The following MYO5C variants were observed in gnomAD, a reference collection of about 807,000 sequenced individuals.
MYO5C encodes the protein myosin VC.
A neutral mutation model predicts 235.7 loss-of-function variants in MYO5C; 194 were observed. That is an observed-to-expected ratio of 0.82 (90% CI 0.73 to 0.93). The LOEUF is 0.93. Ranked by LOEUF, MYO5C falls within the 40% of genes least tolerant of loss-of-function variation. The pLI is 0.00. For missense variants in MYO5C, 2,038 were observed against 2,127.2 expected (o/e 0.96, Z 0.82); for synonymous variants, 707 against 754.8 (o/e 0.94, Z 1.04).
intron 24 of MYO5C, among the ~76,000 whole-genome samples, chr15:52,230,502 G>C (rs1226598426): frequency 6.6e-6 from 1 of 151,550 alleles, no homozygotes; most frequent in Non-Finnish European, 1.5e-5. Context: ...TCCGCCCCCC[G>C]GGTTCAAGTG....
chr15:52,239,970 G>GT, intron 20 of MYO5C, 91 bp from the exon 21 acceptor site: 1 of 1,355,802 alleles, frequency 7.4e-7, no homozygotes, highest in East Asian at 2.4e-5. Flanking sequence ...CTACCACGGT[G>GT]TAGAAAATGA....
chr15:52,205,637 A>T (rs749404189), intron 37 of MYO5C, 179 bp downstream of exon 37: 20 of 431,912 alleles, frequency 4.6e-5, no homozygotes, highest in Non-Finnish European at 8.1e-5. Flanking sequence ...ACAGCGTACT[A>T]TTATTTATGG....
intron 12 of MYO5C, 61 bp downstream of exon 12, chr15:52,253,256 T>G (rs966268973): frequency 6.6e-6 from 10 of 1,525,918 alleles, no homozygotes; most frequent in African/African-American, 1.4e-5. Context: ...AAAACTGCTT[T>G]GCAAAATGCT....
intron 32 of MYO5C, among the ~76,000 whole-genome samples, chr15:52,217,798 G>A (rs1162666148): frequency 6.6e-6 from 1 of 152,134 alleles, no homozygotes; most frequent in Non-Finnish European, 1.5e-5. Flanking sequence ...AGGGTACGTG[G>A]GCATGTCCAC....
chr15:52,252,723 C>T (rs2036499007), intron 12 of MYO5C, among the ~76,000 whole-genome samples: 1 of 151,128 alleles, frequency 6.6e-6, no homozygotes, highest in South Asian at 2.1e-4. Flanking sequence ...TGCAGTGAGC[C>T]GAGATGGCAC....
chr15:52,264,721 C>T (rs1789729984), intron 8 of MYO5C, among the ~76,000 whole-genome samples: 1 of 152,222 alleles, frequency 6.6e-6, no homozygotes, highest in Admixed American at 6.5e-5. Flanking sequence ...TCTCTGCTCT[C>T]TGCCCCAGGG....
Position 52,229,322 on chromosome 15 carries a change from C to G in MYO5C, c.3027-9G>C. 2 of 1,608,192 alleles carry G rather than the reference C, an allele frequency of 1.2e-6. No individual in the cohort carries two copies. The highest frequency in any genetic ancestry group is 1.7e-6 in the Non-Finnish European group (2 of 1,179,218). On this transcript the variant is annotated splice_polypyrimidine_tract_variant and intron_variant, in intron 24 of 40. Transcript: ENST00000261839. ...AACTTTTTTCAAGAAGCCTACGCAG[C>G]AAAAGAAGAAAATAATTTAGAGCTG...
rs201181429 is a variant in MYO5C, at chr15:52,237,583, C to G, written c.2767G>C (p.Val923Leu). 3 of 1,614,208 alleles carry G rather than the reference C, an allele frequency of 1.9e-6. No individual in the cohort carries two copies. In the Admixed American group the frequency reaches 5.0e-5, roughly 27 times the overall value. The change falls in exon 22 of 41, where the codon GTG (valine) becomes CTG (leucine). Residue 923 changes from valine to leucine, a missense_variant. Transcript: ENST00000261839. Reference protein sequence around the residue: ...TSLAALRAGDVEKIQKLEAEL... With the variant: ...TSLAALRAGDLEKIQKLEAEL... The stretch of plus-strand genomic sequence containing the variant: ...GCTTCCAGCTTCTGAATCTTTTCCA[C>G]ATCCCCAGCTCGAAGAGCAGCCAGG...
Position 52,239,911 on chromosome 15 carries a change from G to C in MYO5C, c.2557-32C>G, listed in dbSNP as rs746776522. The C allele has an allele frequency of 9.5e-6, 15 of 1,584,564 alleles. No individual in the cohort carries two copies. In the East Asian group the frequency reaches 3.4e-4, roughly 36 times the overall value. On this transcript the variant is annotated intron_variant, in intron 20 of 40. Coordinates refer to ENST00000261839, the MANE Select transcript of MYO5C (RefSeq NM_018728.4). ...AACAAGATTTTGTGAAACATAAACT[G>C]GATCCCAAGTGCTTCTCTAACCAAC... is the stretch of plus-strand genomic sequence containing the variant.
At chr15:52,268,141 C>T (rs751594480) in intron 8 of MYO5C, among the ~76,000 whole-genome samples, 4 of 152,180 alleles carry the variant, frequency 2.6e-5, no homozygotes, top group Non-Finnish European at 5.9e-5. Flanking sequence ...ATCGTCTTGC[C>T]TATTCCTTGG....
intron 32 of MYO5C, among the ~76,000 whole-genome samples, chr15:52,215,504 C>T (rs994713156): frequency 7.2e-5 from 11 of 152,156 alleles, no homozygotes; most frequent in Non-Finnish European, 1.2e-4. Context: ...CTCTTGGGGC[C>T]GAGGGACATT....
At chr15:52,274,677 C>CG (rs1555420144) in intron 5 of MYO5C, among the ~76,000 whole-genome samples, 2 of 148,854 alleles carry the variant, frequency 1.3e-5, no homozygotes, top group Non-Finnish European at 3.0e-5. Context: ...AGTACCCCCC[C>CG]CCCGACATAT....
Position 52,204,940 on chromosome 15 carries a change from A to C in MYO5C, c.4745T>G (p.Leu1582Trp). The change falls in exon 38 of 41, where the codon TTG (leucine) becomes TGG (tryptophan). Residue 1582 changes from leucine to tryptophan, a missense_variant. By Grantham distance (61) the Leu-to-Trp change is moderately conservative (BLOSUM62 -2). Coordinates refer to ENST00000261839, the MANE Select transcript of MYO5C (RefSeq NM_018728.4). ...GCTGTTCAGCGTGACCGCCCCGATCAAGAAGAAGAGCTGCTTCACCGCCTG... is the reference window on the plus strand; with the variant it reads ...GCTGTTCAGCGTGACCGCCCCGATCCAGAAGAAGAGCTGCTTCACCGCCTG... Reference protein sequence around the residue: ...VRQAVKQLFFLIGAVTLNSLF... With the variant: ...VRQAVKQLFFWIGAVTLNSLF... 1 of 1,614,166 alleles carries C rather than the reference A, an allele frequency of 6.2e-7. No individual in the cohort carries two copies.
At position 52,295,671 on chromosome 15, in the gene MYO5C, G is replaced by A. The variant is rs957463836; in HGVS notation, c.-35C>T. On this transcript the variant is annotated 5_prime_UTR_variant, in exon 1 of 41. Transcript: ENST00000261839. ...GGGCCGGGGCCAGGCCGGGGCTGCC[G>A]AACGTGCGAGGCTCGGGGGCTGGGC... 3.6e-6 allele frequency: 5 copies of A among 1,387,822 alleles called. No individual in the cohort carries two copies. Among genetic ancestry groups the A allele is most frequent in the Admixed American group, 3.3e-5 (1 of 30,026 alleles). 86.0% of individuals were successfully genotyped at this position (1,387,822 alleles called of 1,614,324 possible). A position where few individuals can be genotyped will look rare whatever the true frequency, so the allele number is the denominator to read the frequency against.
rs1170674630 is a variant in MYO5C at position 52,233,299 on chromosome 15, TA to T, written c.2963-615del. 1.2e-4 allele frequency among the ~76,000 whole-genome samples: 17 copies of T among 142,290 alleles called. 6 individuals carry two copies. Among genetic ancestry groups the T allele is most frequent in the Admixed American group, 8.3e-4 (12 of 14,426 alleles). 93.3% of individuals were successfully genotyped at this position (142,290 alleles called of 152,430 possible). ...GTCTCAAAAAAAAAAAAAAAAAAAT[TA>T]AAAAAAAAAAAAAATAAATAAATAA... On this transcript the variant is annotated intron_variant, in intron 23 of 40. Transcript: ENST00000261839.
intron 21 of MYO5C, among the ~76,000 whole-genome samples, chr15:52,238,902 A>T (rs898836424): frequency 2.7e-5 from 4 of 150,766 alleles, no homozygotes; most frequent in Non-Finnish European, 4.4e-5. Context: ...CAGCCTCCCA[A>T]AGTGCTGGGA....
rs1363124600 is a variant in MYO5C, at chr15:52,291,737, T to TTTTTTTTTG, written c.27+3872_27+3873insCAAAAAAAA. 2.2e-3 allele frequency among the ~76,000 whole-genome samples: 161 copies of TTTTTTTTTG among 74,532 alleles called. 16 individuals are homozygous for TTTTTTTTTG. The highest frequency in any genetic ancestry group is 4.4e-3 in the Non-Finnish European group (141 of 32,350). 48.9% of individuals were successfully genotyped at this position (74,532 alleles called of 152,430 possible). A position where few individuals can be genotyped will look rare whatever the true frequency, so the allele number is the denominator to read the frequency against. The stretch of plus-strand genomic sequence containing the variant: ...CTTTGTTTGCATATTTTATGTTTTT[T>TTTTTTTTTG]TTTTTTTTTTTTTTTTTTTGAGACA... On this transcript the variant is annotated intron_variant, in intron 1 of 40. Transcript: ENST00000261839.
Position 52,253,407 on chromosome 15 carries a change from C to T in MYO5C, c.1446G>A (p.Trp482Ter). ...GATTGTCATAAAAATCTATCAGCGTCCAAGGTATATCTTCCTTCATGTATT... is the reference window on the plus strand; with the variant it reads ...GATTGTCATAAAAATCTATCAGCGTTCAAGGTATATCTTCCTTCATGTATT... Reference protein sequence around the residue: ...QEEYMKEDIPWTLIDFYDNQP... With the variant: ...QEEYMKEDIP Residue 482 changes from tryptophan (W) to a stop codon, truncating the protein, a stop_gained, in exon 12 of 41, where the codon TGG becomes TGA. Transcript: ENST00000261839. LOFTEE classifies it high-confidence loss of function. 6.2e-7 allele frequency: 1 copy of T among 1,613,912 alleles called. No homozygotes were observed. The highest frequency in any genetic ancestry group is 1.3e-5 in the African/African-American group (1 of 75,058).
chr15:52,267,413 T>C (rs1176256498), intron 8 of MYO5C, among the ~76,000 whole-genome samples: 1 of 152,194 alleles, frequency 6.6e-6, no homozygotes, highest in East Asian at 1.9e-4. Context: ...TGGCTGGACA[T>C]GGTGGCTTAT....
Sources: allele counts gnomAD v4.1 joint callset (sites outside exome capture counted in the v4.1 genomes callset), GRCh38; gene constraint gnomAD v4.1.1; transcripts MANE v1.5; gene names NCBI Gene and HGNC (gene_info 2026-07-23, HGNC 2026-07-21).